Variants in NUDCD3 observed in about 807,000 individuals in gnomAD.
NUDCD3 encodes NudC domain containing 3.
A neutral mutation model predicts 39.7 loss-of-function variants in NUDCD3; 13 were observed. The ratio of observed to expected loss-of-function variants is 0.33; its 90% CI spans 0.21 to 0.52. The LOEUF (loss-of-function observed/expected upper bound fraction) is 0.52, where lower values mean the gene tolerates loss of function less well. Ranked by LOEUF, NUDCD3 falls within the 20% of genes least tolerant of loss-of-function variation. The probability of loss-of-function intolerance (pLI) is 0.96; values close to 1 mark genes in which losing one functional copy is unlikely to be tolerated. For synonymous variants in NUDCD3, 175 were observed against 172.4 expected, an observed-to-expected ratio of 1.02 and a Z score of -0.12; for missense variants, 453 against 458.1, an observed-to-expected ratio of 0.99 and a Z score of 0.10.
Position 44,468,092 on chromosome 7 carries a change from A to C in NUDCD3, c.509+16876T>G, listed in dbSNP as rs768653350. ...CATTGGTTATGGGAGCAACAAAAAA[A>C]CAAAGCACATGCTGCCCAGTGGCTT... On this transcript the variant is annotated intron_variant, in intron 2 of 5. Coordinates refer to ENST00000355451, the MANE Select transcript of NUDCD3 (RefSeq NM_015332.4). 1.4e-5 allele frequency: 22 copies of C among 1,611,356 alleles called. No individual in the cohort carries two copies. The African/African-American group carries it at 2.4e-4, about 18-fold the overall frequency.
Position 44,458,971 on chromosome 7 carries a change from TGTGTGTGTG to T in NUDCD3, c.509+25988_509+25996del, listed in dbSNP as rs1373712870. Reference sequence around the variant, plus strand: ...GTGTGTGTGTGTGTGTGTGTGTGTGTGTGTGTGTGGTGATGTGTATGCATACATACAAGC... The same window carrying T: ...GTGTGTGTGTGTGTGTGTGTGTGTGTGTGATGTGTATGCATACATACAAGC... On this transcript the variant is annotated intron_variant, in intron 2 of 5. Transcript: ENST00000355451. Among the ~76,000 whole-genome samples, 114 of 150,682 alleles carry T rather than the reference TGTGTGTGTG, an allele frequency of 7.6e-4. 1 individual carries two copies. The highest frequency in any genetic ancestry group is 2.7e-3 in the African/African-American group (109 of 40,836).
chr7:44,439,337 G>T (rs1418124279), intron 2 of NUDCD3, among the ~76,000 whole-genome samples: 3 of 152,130 alleles, frequency 2.0e-5, no homozygotes, highest in African/African-American at 7.2e-5. Context: ...CATCCAGGTA[G>T]AGAGGTAAAA....
At chr7:44,443,845 C>T (rs551238276) in intron 2 of NUDCD3, among the ~76,000 whole-genome samples, 55 of 152,300 alleles carry the variant, frequency 3.6e-4, no homozygotes, top group Admixed American at 2.9e-3. Context: ...GCCCCATCTT[C>T]AGTTCTCCTG....
At chr7:44,426,049 AG>A in intron 3 of NUDCD3, 1 of 807,822 alleles carries the variant, frequency 1.2e-6, no homozygotes, top group African/African-American at 1.9e-5. Context: ...TCCATGGAAG[AG>A]CCCCACAGCA....
Position 44,448,335 on chromosome 7 carries a change from G to A in NUDCD3, c.510-20632C>T, listed in dbSNP as rs144242528. Among the ~76,000 whole-genome samples the A allele has an allele frequency of 3.9e-5, 6 of 152,254 alleles. 1 individual carries two copies. The highest frequency in any genetic ancestry group is 4.1e-4 in the South Asian group (2 of 4,822). On this transcript the variant is annotated intron_variant, in intron 2 of 5. Transcript: ENST00000355451. ...GCAGCCTTTTCATCAGTCTGTCTGT[G>A]GTCACTCCTGAGGACCACAGAGGAG...
chr7:44,417,030 C>T (rs1475334882), intron 3 of NUDCD3, among the ~76,000 whole-genome samples: 1 of 152,222 alleles, frequency 6.6e-6, no homozygotes, highest in Non-Finnish European at 1.5e-5. Context: ...ACGGCACCTG[C>T]CTCCATCTTG....
rs184840945 is a variant in NUDCD3 at position 44,436,917 on chromosome 7, C to T, written c.510-9214G>A. On this transcript the variant is annotated intron_variant, in intron 2 of 5. Coordinates refer to ENST00000355451, the MANE Select transcript of NUDCD3 (RefSeq NM_015332.4). ...TTCTTCATTTTAATATAGTCAAACG[C>T]ACCAATCTTTATTCACATTAACATT... Among the ~76,000 whole-genome samples, 6 of 152,216 alleles carry T rather than the reference C, an allele frequency of 3.9e-5. No homozygotes were observed. In the East Asian group the frequency reaches 5.8e-4, roughly 15 times the overall value.
At chr7:44,437,827 G>A (rs1799494598) in intron 2 of NUDCD3, among the ~76,000 whole-genome samples, 1 of 152,052 alleles carries the variant, frequency 6.6e-6, no homozygotes, top group Admixed American at 6.6e-5. Context: ...CAAATTTAGG[G>A]AATACTTTTG....
chr7:44,391,364 C>A (rs908042720), intron 5 of NUDCD3, among the ~76,000 whole-genome samples: 3 of 152,082 alleles, frequency 2.0e-5, no homozygotes, highest in African/African-American at 7.2e-5. Flanking sequence ...CAAGAACGGA[C>A]GAGACACAGC....
chr7:44,444,024 C>T (rs888848788), intron 2 of NUDCD3, among the ~76,000 whole-genome samples: 4 of 152,168 alleles, frequency 2.6e-5, no homozygotes, highest in Non-Finnish European at 5.9e-5. Context: ...AAGACTAATG[C>T]ATTTGGATAC....
intron 2 of NUDCD3, among the ~76,000 whole-genome samples, chr7:44,452,414 G>GC (rs1799810303): frequency 6.6e-6 from 1 of 152,222 alleles, no homozygotes; most frequent in South Asian, 2.1e-4. Flanking sequence ...TGGCAACAGA[G>GC]CCCAAGAGTC....
intron 2 of NUDCD3, among the ~76,000 whole-genome samples, chr7:44,466,051 C>T (rs1297318248): frequency 6.6e-6 from 1 of 152,232 alleles, no homozygotes; most frequent in East Asian, 1.9e-4. Flanking sequence ...GTGGCACAGC[C>T]ACCCAACATG....
At chr7:44,395,202 A>G (rs1385161645) in intron 4 of NUDCD3, among the ~76,000 whole-genome samples, 2 of 152,248 alleles carry the variant, frequency 1.3e-5, no homozygotes, top group Non-Finnish European at 2.9e-5. Context: ...TTAAAATAAA[A>G]TAATTCAGTT....
chr7:44,449,552 A>G (rs1585086655), intron 2 of NUDCD3, among the ~76,000 whole-genome samples: 1 of 152,228 alleles, frequency 6.6e-6, no homozygotes, highest in Non-Finnish European at 1.5e-5. Context: ...AGATTATTGG[A>G]TACAGGAGGC....
At chr7:44,428,438 T>C (rs887998815) in intron 2 of NUDCD3, among the ~76,000 whole-genome samples, 5 of 150,896 alleles carry the variant, frequency 3.3e-5, no homozygotes, top group Non-Finnish European at 7.4e-5. Context: ...AGCAAAACTC[T>C]GCTCAAAAAA....
At chr7:44,405,000 G>C (rs1297884473) in intron 3 of NUDCD3, among the ~76,000 whole-genome samples, 1 of 152,180 alleles carries the variant, frequency 6.6e-6, no homozygotes, top group African/African-American at 2.4e-5. Context: ...AACCAAGAAA[G>C]CTGAGGGGGC....
chr7:44,455,177 C>T (rs538609144), intron 2 of NUDCD3, among the ~76,000 whole-genome samples: 1 of 152,002 alleles, frequency 6.6e-6, no homozygotes, highest in East Asian at 1.9e-4. Flanking sequence ...CTTCTCTTCC[C>T]CAAATTTCAG....
chr7:44,460,729 T>C (rs1254100239), intron 2 of NUDCD3, among the ~76,000 whole-genome samples: 1 of 152,114 alleles, frequency 6.6e-6, no homozygotes, highest in Non-Finnish European at 1.5e-5. Context: ...ATGAAAAGGA[T>C]AGGATGCTTT....
At chr7:44,403,743 T>C (rs1798765072) in intron 4 of NUDCD3, among the ~76,000 whole-genome samples, 1 of 152,276 alleles carries the variant, frequency 6.6e-6, no homozygotes, top group South Asian at 2.1e-4. Context: ...TTCTAAAGAC[T>C]TTTGTCCAGA....
Sources: allele counts gnomAD v4.1 joint callset (sites outside exome capture counted in the v4.1 genomes callset), GRCh38; gene constraint gnomAD v4.1.1; transcripts MANE v1.5; gene names NCBI Gene and HGNC (gene_info 2026-07-23, HGNC 2026-07-21).